The following SLC44A5 variants were observed in gnomAD, a reference collection of about 807,000 sequenced individuals.
SLC44A5 encodes choline transporter-like protein 5.
Under a neutral mutation model 101.8 loss-of-function variants are expected in SLC44A5, and 57 were observed. The observed-to-expected ratio is 0.56, with a 90% confidence interval of 0.45 to 0.70. The LOEUF is 0.70. SLC44A5 is among the 30% of genes least tolerant of loss of function. The pLI is 0.00. For missense variants in SLC44A5, 737 were observed against 853.1 expected (o/e 0.86, Z 1.70); for synonymous variants, 281 against 290.9 (o/e 0.97, Z 0.35).
chr1:75,534,825 A>G (rs1240476807), intron 2 of SLC44A5, among the ~76,000 whole-genome samples: 1 of 152,216 alleles, frequency 6.6e-6, no homozygotes, highest in Non-Finnish European at 1.5e-5. Context: ...CAGAATTGGA[A>G]AAATAAGAAA....
At chr1:75,246,624 GATAA>G (rs1000615637) in intron 7 of SLC44A5, among the ~76,000 whole-genome samples, 9 of 152,076 alleles carry the variant, frequency 5.9e-5, no homozygotes, top group African/African-American at 1.9e-4. Context: ...GGTATAAGAT[GATAA>G]ATAAATAAGG....
chr1:75,284,039 G>T (rs544207543), intron 5 of SLC44A5, among the ~76,000 whole-genome samples: 3 of 152,048 alleles, frequency 2.0e-5, no homozygotes, highest in Non-Finnish European at 4.4e-5. Context: ...CTTCTGTGAA[G>T]AATAATGGTA....
At chr1:75,666,756 T>A in the SLC44A5 span, among the ~76,000 whole-genome samples, 1 of 152,182 alleles carries the variant, frequency 6.6e-6, no homozygotes, top group South Asian at 2.1e-4. Flanking sequence ...GTCAGCTTCA[T>A]ACCTGGCATG....
chr1:75,401,785 C>T (rs987199146), intron 2 of SLC44A5, among the ~76,000 whole-genome samples: 1 of 152,014 alleles, frequency 6.6e-6, no homozygotes, highest in Non-Finnish European at 1.5e-5. Context: ...CACCTGTAAC[C>T]TTCTGTGTTC....
intron 2 of SLC44A5, among the ~76,000 whole-genome samples, chr1:75,492,178 G>A (rs1459349196): frequency 6.6e-6 from 1 of 152,102 alleles, no homozygotes; most frequent in African/African-American, 2.4e-5. Flanking sequence ...AACATGATGA[G>A]GAGGTTGGTA....
At chr1:75,558,062 A>G (rs890422072) in intron 1 of SLC44A5, among the ~76,000 whole-genome samples, 7 of 152,264 alleles carry the variant, frequency 4.6e-5, no homozygotes, top group Middle Eastern at 3.4e-3. Flanking sequence ...AAAGATCACA[A>G]TCTAATGATG....
In SLC44A5 at chr1:75,577,813, A is replaced by G. The variant is rs560573706; in HGVS notation, c.-70+33227T>C. On this transcript the variant is annotated intron_variant, in intron 1 of 23. Transcript: ENST00000370859. ...CTATTCTGGGACATTACTGAGTTCAATAAGTTAATAAGTACAAAACACCTA... is the reference window on the plus strand; with the variant it reads ...CTATTCTGGGACATTACTGAGTTCAGTAAGTTAATAAGTACAAAACACCTA... 5.9e-5 allele frequency among the ~76,000 whole-genome samples: 9 copies of G among 152,308 alleles called. No homozygotes were observed. The East Asian group carries it at 1.5e-3, about 26-fold the overall frequency.
intron 3 of SLC44A5, among the ~76,000 whole-genome samples, chr1:75,357,673 C>T (rs1417806445): frequency 3.9e-5 from 6 of 151,972 alleles, no homozygotes; most frequent in Non-Finnish European, 7.4e-5. Flanking sequence ...AAAATGGGCC[C>T]AGTGGGTGGA....
rs182086866 is a variant in SLC44A5, at chr1:75,336,894, G to A, written c.101+2688C>T. Among the ~76,000 whole-genome samples the A allele has an allele frequency of 5.0e-3, 763 of 152,246 alleles. 15 individuals are homozygous for A. Among genetic ancestry groups the A allele is most frequent in the Admixed American group, 0.034 (516 of 15,292 alleles). On this transcript the variant is annotated intron_variant, in intron 4 of 23. Coordinates refer to ENST00000370859, the MANE Select transcript of SLC44A5 (RefSeq NM_001130058.2). ...CATGAGACCTAGTAATGCAAATAGC[G>A]CAGAGAACTCTGCTACTACTTTCCT...
chr1:75,572,671 T>C (rs967067500), intron 1 of SLC44A5, among the ~76,000 whole-genome samples: 2 of 152,212 alleles, frequency 1.3e-5, no homozygotes, highest in African/African-American at 4.8e-5. Context: ...TCAGAGGTAC[T>C]GTCCATTGTC....
At chr1:75,484,306 A>T (rs1334183398) in intron 2 of SLC44A5, among the ~76,000 whole-genome samples, 1 of 152,220 alleles carries the variant, frequency 6.6e-6, no homozygotes, top group African/African-American at 2.4e-5. Flanking sequence ...GCATTGGGTA[A>T]ATGTTTCCAT....
chr1:75,352,918 T>C (rs531699686), intron 3 of SLC44A5, among the ~76,000 whole-genome samples: 3 of 152,318 alleles, frequency 2.0e-5, no homozygotes, highest in Non-Finnish European at 4.4e-5. Flanking sequence ...AAACAGTTAC[T>C]TCTTTGCTAA....
chr1:75,455,565 A>G (rs1397098165), intron 2 of SLC44A5, among the ~76,000 whole-genome samples: 2 of 152,138 alleles, frequency 1.3e-5, no homozygotes, highest in African/African-American at 4.8e-5. Flanking sequence ...TACTATCAAC[A>G]AGGTAAACAG....
At chr1:75,668,928 G>A in the SLC44A5 span, among the ~76,000 whole-genome samples, 3 of 151,406 alleles carry the variant, frequency 2.0e-5, no homozygotes, top group Non-Finnish European at 2.9e-5. Context: ...CCAGGAGGTG[G>A]AGGTTGCAGT....
chr1:75,679,407 G>A, the SLC44A5 span, among the ~76,000 whole-genome samples: 5 of 152,074 alleles, frequency 3.3e-5, no homozygotes, highest in South Asian at 4.1e-4. Flanking sequence ...GACTAACAGC[G>A]GATCTCTCAA....
chr1:75,609,106 G>A (rs567278589), intron 1 of SLC44A5, among the ~76,000 whole-genome samples: 8 of 151,586 alleles, frequency 5.3e-5, no homozygotes, highest in South Asian at 4.2e-4. Flanking sequence ...CTACATGAAC[G>A]AATAAAATAG....
Position 75,396,235 on chromosome 1 carries a change from G to A in SLC44A5, c.52+348C>T, listed in dbSNP as rs1662114824. Reference sequence around the variant, plus strand: ...GTGTCATGAAAGCTGGAGAGTGAAGGTGTTTATTGGAGAGAGAGATTTGAA... The same window carrying A: ...GTGTCATGAAAGCTGGAGAGTGAAGATGTTTATTGGAGAGAGAGATTTGAA... On this transcript the variant is annotated intron_variant, in intron 3 of 23. Coordinates refer to ENST00000370859, the MANE Select transcript of SLC44A5 (RefSeq NM_001130058.2). 2.6e-5 allele frequency among the ~76,000 whole-genome samples: 4 copies of A among 152,184 alleles called. No individual in the cohort carries two copies. The South Asian group carries it at 8.3e-4, about 32-fold the overall frequency.
At chr1:75,575,589 G>GT (rs1397480727) in intron 1 of SLC44A5, among the ~76,000 whole-genome samples, 1 of 152,026 alleles carries the variant, frequency 6.6e-6, no homozygotes, top group Non-Finnish European at 1.5e-5. Flanking sequence ...TAAAAACTGT[G>GT]TTTTTTTAAC....
chr1:75,283,423 T>C (rs529464242), intron 5 of SLC44A5, among the ~76,000 whole-genome samples: 2 of 152,296 alleles, frequency 1.3e-5, no homozygotes, highest in Non-Finnish European at 2.9e-5. Context: ...ACATATTTTG[T>C]GAAGAGTTTC....
Sources: allele counts gnomAD v4.1 joint callset (sites outside exome capture counted in the v4.1 genomes callset), GRCh38; gene constraint gnomAD v4.1.1; transcripts MANE v1.5; gene names NCBI Gene and HGNC (gene_info 2026-07-23, HGNC 2026-07-21).